The following TRIM69 variants were observed in gnomAD, a reference collection of about 807,000 sequenced individuals.
TRIM69 encodes tripartite motif containing 69, also known as E3 ubiquitin-protein ligase TRIM69.
TRIM69 carries 29 observed loss-of-function variants against 37.7 expected under a neutral mutation model. That is an observed-to-expected ratio of 0.77 (90% CI 0.57 to 1.05). The LOEUF (loss-of-function observed/expected upper bound fraction) is 1.05. Ranked by LOEUF, TRIM69 falls within the 50% of genes least tolerant of loss-of-function variation. The probability of loss-of-function intolerance (pLI) is 0.00; values close to 1 mark genes in which losing one functional copy is unlikely to be tolerated. For missense variants in TRIM69, 596 were observed against 579.9 expected, an observed-to-expected ratio of 1.03 and a Z score of -0.28; for synonymous variants, 209 against 212.4, an observed-to-expected ratio of 0.98 and a Z score of 0.14.
chr15:44,766,922 G>T (rs1045892871), intron 6 of TRIM69, among the ~76,000 whole-genome samples: 2 of 151,450 alleles, frequency 1.3e-5, no homozygotes, highest in Non-Finnish European at 2.9e-5. Flanking sequence ...AGCCAGGTGT[G>T]GTGGCACACA....
rs573759738 is a variant in TRIM69 at position 44,740,093 on chromosome 15, C to T, written c.6+3383C>T. Among the ~76,000 whole-genome samples the T allele has an allele frequency of 3.3e-5, 5 of 152,334 alleles. No individual in the cohort carries two copies. The East Asian group carries it at 7.7e-4, about 24-fold the overall frequency. On this transcript the variant is annotated intron_variant, in intron 1 of 6. Coordinates refer to ENST00000329464, the MANE Select transcript of TRIM69 (RefSeq NM_182985.5). ...TTCACGAAAATCCACTGTTCTGCAGCCACCGCTGCTGATACCCAGGCAAAC... is the reference window on the plus strand; with the variant it reads ...TTCACGAAAATCCACTGTTCTGCAGTCACCGCTGCTGATACCCAGGCAAAC...
intron 4 of TRIM69, among the ~76,000 whole-genome samples, chr15:44,759,248 C>T (rs967598351): frequency 1.3e-5 from 2 of 152,276 alleles, no homozygotes; most frequent in African/African-American, 4.8e-5. Flanking sequence ...CTTTCTTAAG[C>T]TTCACCTCTA....
At chr15:44,746,261 A>G (rs1436266306) in intron 1 of TRIM69, among the ~76,000 whole-genome samples, 1 of 152,188 alleles carries the variant, frequency 6.6e-6, no homozygotes, top group Non-Finnish European at 1.5e-5. Context: ...TGGCCAAACT[A>G]TCTTTCCAAT....
chr15:44,739,439 G>A lies in TRIM69; in HGVS notation c.6+2729G>A, dbSNP rs1033869644. ...AGCAGGGCGAGGCATTGCCTCACTC[G>A]GGAAGCGCAAGGGGTCAGGGAGGTC... On this transcript the variant is annotated intron_variant, in intron 1 of 6. Coordinates refer to ENST00000329464, the MANE Select transcript of TRIM69 (RefSeq NM_182985.5). Among the ~76,000 whole-genome samples the A allele has an allele frequency of 4.6e-5, 7 of 152,352 alleles. No homozygotes were observed. The East Asian group carries it at 9.6e-4, about 21-fold the overall frequency.
At chr15:44,748,903 T>C (rs117605286) in intron 1 of TRIM69, among the ~76,000 whole-genome samples, 3,513 of 151,310 alleles carry the variant, frequency 0.023, 71 homozygotes, top group Non-Finnish European at 0.035. Flanking sequence ...TTTTTTGAGA[T>C]AGGGTCTTAC....
intron 1 of TRIM69, among the ~76,000 whole-genome samples, chr15:44,747,006 G>A (rs2087422546): frequency 6.6e-6 from 1 of 152,182 alleles, no homozygotes; most frequent in Non-Finnish European, 1.5e-5. Context: ...TATAGTGAAA[G>A]TCAAGCAGGA....
intron 1 of TRIM69, among the ~76,000 whole-genome samples, chr15:44,739,856 C>A (rs1596012369): frequency 6.6e-6 from 1 of 151,750 alleles, no homozygotes; most frequent in African/African-American, 2.4e-5. Context: ...ATGTCCCTGT[C>A]TGACAGCTTT....
intron 1 of TRIM69, among the ~76,000 whole-genome samples, chr15:44,745,423 A>G (rs2087385096): frequency 6.6e-6 from 1 of 152,204 alleles, no homozygotes; most frequent in African/African-American, 2.4e-5. Context: ...AAAAAACCCC[A>G]GAGAAGGTGG....
chr15:44,760,713 T>C (rs372455205), intron 6 of TRIM69, among the ~76,000 whole-genome samples: 7 of 152,066 alleles, frequency 4.6e-5, no homozygotes, highest in African/African-American at 1.7e-4. Context: ...TAGGTAAACC[T>C]CTCCATAATC....
intron 4 of TRIM69, 119 bp downstream of exon 4, chr15:44,758,973 A>C: frequency 2.4e-6 from 3 of 1,249,708 alleles, no homozygotes; most frequent in Non-Finnish European, 3.3e-6. Flanking sequence ...ACAAAACAAA[A>C]CTGTTATAGT....
intron 1 of TRIM69, among the ~76,000 whole-genome samples, chr15:44,751,892 T>C (rs1312005301): frequency 1.3e-5 from 2 of 151,766 alleles, no homozygotes; most frequent in Non-Finnish European, 2.9e-5. Context: ...ACCACGGACA[T>C]GTTCCATTAT....
At chr15:44,752,419 T>C (rs974591051) in intron 1 of TRIM69, among the ~76,000 whole-genome samples, 3 of 152,214 alleles carry the variant, frequency 2.0e-5, no homozygotes, top group Non-Finnish European at 4.4e-5. Context: ...TTAAAGTCTA[T>C]TTTACTTGAT....
At chr15:44,746,807 A>C (rs978607945) in intron 1 of TRIM69, among the ~76,000 whole-genome samples, 8 of 152,144 alleles carry the variant, frequency 5.3e-5, no homozygotes, top group African/African-American at 1.4e-4. Context: ...GAAACGTTAA[A>C]GTGTCAATAA....
chr15:44,764,959 A>C (rs1374402287), intron 6 of TRIM69, among the ~76,000 whole-genome samples: 1 of 152,178 alleles, frequency 6.6e-6, no homozygotes, highest in Admixed American at 6.5e-5. Context: ...TTTTTCCTCT[A>C]TAAGGACTCT....
intron 1 of TRIM69, among the ~76,000 whole-genome samples, chr15:44,738,233 A>ATTTTT (rs11440122): frequency 7.0e-6 from 1 of 143,694 alleles, no homozygotes. Context: ...TAATTTTTGT[A>ATTTTT]TTATTATTTT....
At chr15:44,752,641 T>G (rs576179932) in intron 1 of TRIM69, among the ~76,000 whole-genome samples, 133 of 152,316 alleles carry the variant, frequency 8.7e-4, no homozygotes, top group African/African-American at 2.7e-3. Flanking sequence ...TGATAAAGAC[T>G]TACCTATGCC....
intron 1 of TRIM69, 165 bp from the exon 2 acceptor site, chr15:44,754,735 A>G (rs2087606090): frequency 1.5e-6 from 1 of 646,224 alleles, no homozygotes. Flanking sequence ...ATACGCTATA[A>G]TTTCAGAAAA....
In TRIM69 at chr15:44,758,581, T is replaced by C. The variant is rs374603200; in HGVS notation, c.580-40T>C. 3.8e-5 allele frequency: 61 copies of C among 1,610,004 alleles called. 1 individual carries two copies. The South Asian group carries it at 4.0e-4, about 10-fold the overall frequency. On this transcript the variant is annotated intron_variant, in intron 3 of 6. Coordinates refer to ENST00000329464, the MANE Select transcript of TRIM69 (RefSeq NM_182985.5). The stretch of plus-strand genomic sequence containing the variant: ...GTGGGCCCCCATCCCCAAGCACTAG[T>C]CTCTGCAATAACCATGGTGATAATC...
chr15:44,767,023 C>A (rs1365440918), intron 6 of TRIM69, among the ~76,000 whole-genome samples: 1 of 121,044 alleles, frequency 8.3e-6, no homozygotes, highest in Admixed American at 1.1e-4. Flanking sequence ...CGCACCACTG[C>A]ACTCCAGCCC....
Sources: allele counts gnomAD v4.1 joint callset (sites outside exome capture counted in the v4.1 genomes callset), GRCh38; gene constraint gnomAD v4.1.1; transcripts MANE v1.5; gene names NCBI Gene and HGNC (gene_info 2026-07-23, HGNC 2026-07-21).